The following CCDC82 variants were observed in gnomAD, a reference collection of about 807,000 sequenced individuals.
The protein encoded by CCDC82 is coiled-coil domain-containing protein 82.
A neutral mutation model predicts 60.6 loss-of-function variants in CCDC82; 47 were observed. The observed-to-expected ratio is 0.77, with a 90% confidence interval of 0.61 to 0.99. The LOEUF (loss-of-function observed/expected upper bound fraction) is 0.99. Among genes scored for constraint, CCDC82 ranks in the 50% least tolerant of loss-of-function variants. CCDC82 has a pLI of 0.00. For missense variants in CCDC82, 588 were observed against 633.0 expected, an observed-to-expected ratio of 0.93 and a Z score of 0.76; for synonymous variants, 212 against 207.4, an observed-to-expected ratio of 1.02 and a Z score of -0.19.
intron 9 of CCDC82, chr11:96,354,064 C>A (rs1864226000): frequency 1.1e-5 from 2 of 182,964 alleles, no homozygotes; most frequent in African/African-American, 2.4e-5. Context: ...CTGCTAATGA[C>A]TGTCTAGGTA....
intron 6 of CCDC82, among the ~76,000 whole-genome samples, chr11:96,372,179 C>G (rs1314422181): frequency 6.6e-6 from 1 of 152,096 alleles, no homozygotes; most frequent in Non-Finnish European, 1.5e-5. Context: ...CTCCTTTGCC[C>G]TCTGCTAAGC....
chr11:96,383,962 C>T lies in CCDC82; in HGVS notation c.786G>A (p.Glu262=), dbSNP rs776166370. The change falls in exon 4 of 10, where the codon GAG becomes GAA. Residue 262 remains glutamate, a splice_region_variant and synonymous_variant. Transcript: ENST00000646818. The stretch of plus-strand genomic sequence containing the variant: ...ACAAATCCAACAAAATATAACACAC[C>T]TCAAAATCTCTACCACTACTGCGTC... ...RQRRSSGRDF[E]DSEKESCPSS... 5.0e-6 allele frequency: 8 copies of T among 1,600,554 alleles called. No homozygotes were observed. The highest frequency in any genetic ancestry group is 6.8e-6 in the Non-Finnish European group (8 of 1,175,104).
intron 8 of CCDC82, 115 bp from the exon 9 acceptor site, chr11:96,359,293 T>C: frequency 1.2e-6 from 1 of 810,556 alleles, no homozygotes; most frequent in South Asian, 2.1e-5. Flanking sequence ...GTTTACACAA[T>C]GATTCCTTTA....
chr11:96,383,980 AC>A lies in CCDC82; in HGVS notation c.767del (p.Ser256IlefsTer44). 6.2e-7 allele frequency: 1 copy of A among 1,612,096 alleles called. No individual in the cohort carries two copies. Among genetic ancestry groups the A allele is most frequent in the Non-Finnish European group, 8.5e-7 (1 of 1,179,180 alleles). ...LSKQRSRQRR[S>X]SGRDFEDSEK... The stretch of plus-strand genomic sequence containing the variant: ...AACACACCTCAAAATCTCTACCACT[AC>A]TGCGTCTCTGACGAGATCTTTGTTT... On this transcript the variant is annotated frameshift_variant, in exon 4 of 10. Coordinates refer to ENST00000646818, the MANE Select transcript of CCDC82 (RefSeq NM_024725.4). LOFTEE classifies it high-confidence loss of function.
At chr11:96,389,157 G>A (rs914600546) in intron 1 of CCDC82, 7 of 152,190 alleles carry the variant, frequency 4.6e-5, no homozygotes, top group African/African-American at 1.7e-4. Flanking sequence ...CATAAAGAGA[G>A]GAAAGCCTAT....
chr11:96,360,970 G>A (rs1864631568), intron 8 of CCDC82, among the ~76,000 whole-genome samples: 1 of 152,180 alleles, frequency 6.6e-6, no homozygotes, highest in African/African-American at 2.4e-5. Flanking sequence ...CTGCTTTTCA[G>A]ATCATTAGAA....
chr11:96,362,404 G>C (rs1864710908), intron 8 of CCDC82, among the ~76,000 whole-genome samples: 1 of 152,110 alleles, frequency 6.6e-6, no homozygotes, highest in Non-Finnish European at 1.5e-5. Flanking sequence ...CCAATCCAAA[G>C]GGTTCTATTT....
intron 7 of CCDC82, among the ~76,000 whole-genome samples, chr11:96,367,079 T>A (rs969855861): frequency 1.3e-5 from 2 of 152,232 alleles, no homozygotes; most frequent in African/African-American, 4.8e-5. Context: ...TGAATAGGCA[T>A]CTTTTTGCTG....
At chr11:96,373,084 G>T (rs184934465) in intron 6 of CCDC82, among the ~76,000 whole-genome samples, 64 of 152,238 alleles carry the variant, frequency 4.2e-4, no homozygotes, top group Non-Finnish European at 7.2e-4. Context: ...TGGCACATGG[G>T]TATTAAGACA....
intron 8 of CCDC82, among the ~76,000 whole-genome samples, chr11:96,362,184 A>C (rs979235283): frequency 1.3e-5 from 2 of 152,230 alleles, no homozygotes; most frequent in African/African-American, 4.8e-5. Flanking sequence ...AAATATAATG[A>C]AACATGTACC....
chr11:96,386,733 T>C (rs1473181344), intron 2 of CCDC82: 1 of 152,206 alleles, frequency 6.6e-6, no homozygotes, highest in Non-Finnish European at 1.5e-5. Flanking sequence ...AGCATTGTAA[T>C]AGCAATCTAA....
intron 7 of CCDC82, among the ~76,000 whole-genome samples, chr11:96,369,466 T>C (rs181171648): frequency 1.1e-3 from 171 of 152,312 alleles, no homozygotes; most frequent in Admixed American, 5.2e-3. Context: ...GGGTTATTAA[T>C]TGACCTAATT....
In CCDC82 at chr11:96,384,336, T is replaced by C. The variant is rs373116078; in HGVS notation, c.412A>G (p.Asn138Asp). 1 of 1,613,686 alleles carries C rather than the reference T, an allele frequency of 6.2e-7. No individual in the cohort carries two copies. The highest frequency in any genetic ancestry group is 1.3e-5 in the African/African-American group (1 of 74,924). ...KHLSQEDNDL[N>D]KQTGQIIEDD... ...TCTATTATTTGTCCAGTTTGTTTGT[T>C]GAGATCATTATCCTCTTGACTTAAA... Residue 138 changes from asparagine to aspartate, a missense_variant, in exon 4 of 10, where the codon AAC (asparagine) becomes GAC (aspartate). Physicochemically the swap from Asn to Asp is conservative, Grantham distance 23. Transcript: ENST00000646818.
intron 5 of CCDC82, among the ~76,000 whole-genome samples, chr11:96,373,989 T>C (rs1466695899): frequency 6.6e-6 from 1 of 152,192 alleles, no homozygotes; most frequent in Non-Finnish European, 1.5e-5. Context: ...AACTTGTCTA[T>C]TTCCTTCCCC....
intron 7 of CCDC82, among the ~76,000 whole-genome samples, chr11:96,366,027 T>C (rs538595638): frequency 6.6e-6 from 1 of 152,376 alleles, no homozygotes; most frequent in African/African-American, 2.4e-5. Flanking sequence ...TTCATATTTC[T>C]CATACTTCAT....
At position 96,383,375 on chromosome 11, in the gene CCDC82, G is replaced by C; in HGVS notation, c.885C>G (p.Ile295Met). The C allele has an allele frequency of 6.2e-7, 1 of 1,600,940 alleles. No homozygotes were observed. Among genetic ancestry groups the C allele is most frequent in the Non-Finnish European group, 8.5e-7 (1 of 1,171,292 alleles). ...ESDEDGDDYI[I>M]DDFVVQDEEG... ...CCTCATCTTGCACTACAAAGTCATCGATAATATAATCATCTCCATCTTCAT... is the reference window on the plus strand; with the variant it reads ...CCTCATCTTGCACTACAAAGTCATCCATAATATAATCATCTCCATCTTCAT... The change falls in exon 5 of 10, where the codon ATC becomes ATG. Residue 295 changes from isoleucine to methionine, a missense_variant. Physicochemically the swap from Ile to Met is conservative, Grantham distance 10. Coordinates refer to ENST00000646818, the MANE Select transcript of CCDC82 (RefSeq NM_024725.4).
At chr11:96,383,605 A>T (rs1251465629) in intron 4 of CCDC82, 132 bp from the exon 5 acceptor site, 1 of 595,184 alleles carries the variant, frequency 1.7e-6, no homozygotes, top group Non-Finnish European at 2.8e-6. Context: ...TAAAGTTAAA[A>T]ATAAATAATT....
chr11:96,385,837 T>C (rs1193407150), intron 3 of CCDC82: 1 of 152,054 alleles, frequency 6.6e-6, no homozygotes, highest in East Asian at 1.9e-4. Context: ...AGTTCTGTGG[T>C]TGTTAGGGAA....
At chr11:96,386,013 T>C (rs914145086) in intron 3 of CCDC82, 1 of 152,070 alleles carries the variant, frequency 6.6e-6, no homozygotes, top group Non-Finnish European at 1.5e-5. Context: ...CCACACACTA[T>C]AAAAAATCTA....
Sources: gnomAD v4.1 joint callset for allele counts (sites outside exome capture counted in the v4.1 genomes callset) on GRCh38, gnomAD v4.1.1 for gene constraint, MANE v1.5 for transcripts, NCBI Gene and HGNC (gene_info 2026-07-23, HGNC 2026-07-21) for gene names.